The following GRM7 variants were observed in gnomAD, a reference collection of about 807,000 sequenced individuals.
GRM7 encodes the protein glutamate metabotropic receptor 7.
Under a neutral mutation model 84.5 loss-of-function variants are expected in GRM7, and 35 were observed. The ratio of observed to expected loss-of-function variants is 0.41; its 90% CI spans 0.32 to 0.55. The LOEUF (loss-of-function observed/expected upper bound fraction) is 0.55, where lower values mean the gene tolerates loss of function less well. Among genes scored for constraint, GRM7 ranks in the 20% least tolerant of loss-of-function variants. GRM7 has a pLI of 0.19. For synonymous variants in GRM7, 487 were observed against 455.1 expected (o/e 1.07, Z -0.89); for missense variants, 1,003 against 1,194.6 (o/e 0.84, Z 2.36).
intron 1 of GRM7, among the ~76,000 whole-genome samples, chr3:7,028,975 G>A (rs1191760020): frequency 3.9e-5 from 6 of 152,140 alleles, no homozygotes; most frequent in Admixed American, 6.6e-5. Context: ...GTGGAAAACA[G>A]TATGTTGGTT....
chr3:7,181,733 C>T (rs140375965), intron 2 of GRM7, among the ~76,000 whole-genome samples: 376 of 152,188 alleles, frequency 2.5e-3, no homozygotes, highest in African/African-American at 8.8e-3. Flanking sequence ...CTCAGCCTCC[C>T]CAGTAGCTGG....
intron 4 of GRM7, among the ~76,000 whole-genome samples, chr3:7,408,098 A>G (rs1225305468): frequency 6.6e-6 from 1 of 152,194 alleles, no homozygotes; most frequent in Non-Finnish European, 1.5e-5. Flanking sequence ...AAGGTCATCT[A>G]GCTAGTAAGT....
rs1446538875 is a variant in GRM7, at chr3:7,217,816, G to A, written c.736+71148G>A. ...ACATAGGGATATGGATATAGATATA[G>A]ATGTATAGATGTGTGTATATGTGTG... On this transcript the variant is annotated intron_variant, in intron 2 of 9. Transcript: ENST00000357716. 3.3e-5 allele frequency among the ~76,000 whole-genome samples: 5 copies of A among 150,952 alleles called. No homozygotes were observed. In the East Asian group the frequency reaches 7.8e-4, roughly 23 times the overall value.
intron 9 of GRM7, among the ~76,000 whole-genome samples, chr3:7,712,600 G>A (rs1036574): frequency 6.6e-6 from 1 of 151,484 alleles, no homozygotes; most frequent in Non-Finnish European, 1.5e-5. Context: ...TCTCACCTTT[G>A]TTAAGTATTT....
At chr3:7,686,826 A>C (rs1477670727) in intron 9 of GRM7, among the ~76,000 whole-genome samples, 1 of 152,184 alleles carries the variant, frequency 6.6e-6, no homozygotes, top group Non-Finnish European at 1.5e-5. Context: ...TGGAAAACCT[A>C]CAAGGAGAGA....
intron 1 of GRM7, among the ~76,000 whole-genome samples, chr3:7,029,260 C>T (rs139610168): frequency 0.033 from 4,903 of 148,228 alleles, 264 homozygotes; most frequent in African/African-American, 0.11. Flanking sequence ...GCTGGGATCA[C>T]GCCATTGCAC....
intron 5 of GRM7, among the ~76,000 whole-genome samples, chr3:7,421,069 G>T (rs544212720): frequency 3.6e-4 from 55 of 152,230 alleles, no homozygotes; most frequent in Non-Finnish European, 6.6e-4. Flanking sequence ...GTTAAAAATA[G>T]ACTTTAGTGT....
In GRM7 at chr3:7,707,047, A is replaced by T. The variant is rs74423843; in HGVS notation, c.2698+26752A>T. Among the ~76,000 whole-genome samples, 975 of 152,306 alleles carry T rather than the reference A, an allele frequency of 6.4e-3. 11 individuals carry two copies. Among genetic ancestry groups the T allele is most frequent in the African/African-American group, 0.022 (918 of 41,566 alleles). ...AAATGAAGTTAAAAATCAATACTGC[A>T]TTGAAATGAGAGTATAAGCTTATAG... On this transcript the variant is annotated intron_variant, in intron 9 of 9. Coordinates refer to ENST00000357716, the MANE Select transcript of GRM7 (RefSeq NM_000844.4).
chr3:6,936,652 ATTGATTAGTC>A (rs1244512538), intron 1 of GRM7, among the ~76,000 whole-genome samples: 1 of 152,138 alleles, frequency 6.6e-6, no homozygotes, highest in Non-Finnish European at 1.5e-5. Flanking sequence ...CAGGATGATA[ATTGATTAGTC>A]TTCTAATCTT....
intron 8 of GRM7, among the ~76,000 whole-genome samples, chr3:7,669,622 A>C (rs550300330): frequency 2.6e-5 from 4 of 152,184 alleles, no homozygotes; most frequent in Admixed American, 1.3e-4. Context: ...GTGGAAGACA[A>C]ATTCAGAGGA....
At chr3:7,728,891 T>C (rs1213339711) in intron 9 of GRM7, among the ~76,000 whole-genome samples, 1 of 152,220 alleles carries the variant, frequency 6.6e-6, no homozygotes, top group Non-Finnish European at 1.5e-5. Flanking sequence ...AGTACTGACT[T>C]GGAATTCCAC....
intron 7 of GRM7, among the ~76,000 whole-genome samples, chr3:7,500,053 C>A (rs1273845191): frequency 2.6e-5 from 4 of 152,182 alleles, no homozygotes; most frequent in Non-Finnish European, 5.9e-5. Flanking sequence ...GGATTACAGG[C>A]ATGGACACCA....
intron 1 of GRM7, among the ~76,000 whole-genome samples, chr3:7,032,679 T>A (rs562647437): frequency 6.6e-6 from 1 of 152,276 alleles, no homozygotes; most frequent in East Asian, 1.9e-4. Context: ...AAGTGACTAG[T>A]AAAACTATGC....
At chr3:7,186,078 T>C (rs1695503284) in intron 2 of GRM7, among the ~76,000 whole-genome samples, 1 of 152,202 alleles carries the variant, frequency 6.6e-6, no homozygotes, top group African/African-American at 2.4e-5. Flanking sequence ...AGCATAGATA[T>C]GTCTTCCGTC....
chr3:7,627,492 T>G (rs1697667155), intron 8 of GRM7, among the ~76,000 whole-genome samples: 1 of 152,190 alleles, frequency 6.6e-6, no homozygotes, highest in Non-Finnish European at 1.5e-5. Flanking sequence ...CCTTTGTAGG[T>G]GCAGAAAGGT....
At chr3:6,885,272 C>G (rs542407455) in intron 1 of GRM7, among the ~76,000 whole-genome samples, 14 of 152,276 alleles carry the variant, frequency 9.2e-5, no homozygotes, top group East Asian at 7.7e-4. Context: ...AGGGCTACCC[C>G]CTAGGCAGCG....
At chr3:7,546,009 G>A (rs957593188) in intron 7 of GRM7, among the ~76,000 whole-genome samples, 9 of 152,144 alleles carry the variant, frequency 5.9e-5, no homozygotes, top group Non-Finnish European at 1.2e-4. Flanking sequence ...ATTACTTAGT[G>A]TAGTGCCTGG....
intron 1 of GRM7, among the ~76,000 whole-genome samples, chr3:7,132,756 C>G (rs1256798436): frequency 3.3e-5 from 5 of 152,076 alleles, no homozygotes; most frequent in African/African-American, 9.7e-5. Context: ...AGAATGTGCC[C>G]AAGGCTTGCT....
At chr3:7,276,560 G>T (rs888755576) in intron 2 of GRM7, among the ~76,000 whole-genome samples, 1 of 151,610 alleles carries the variant, frequency 6.6e-6, no homozygotes, top group Non-Finnish European at 1.5e-5. Context: ...TGAAAATGGC[G>T]GTGGTGTCGA....
Sources: allele counts gnomAD v4.1 joint callset (sites outside exome capture counted in the v4.1 genomes callset), GRCh38; gene constraint gnomAD v4.1.1; transcripts MANE v1.5; gene names NCBI Gene and HGNC (gene_info 2026-07-23, HGNC 2026-07-21).